POLR2E: variants seen among roughly 807,000 people sequenced by gnomAD.
POLR2E encodes RNA polymerase II, I and III subunit E.
POLR2E carries 35 observed loss-of-function variants against 29.8 expected under a neutral mutation model. That is an observed-to-expected ratio of 1.17 (90% CI 0.90 to 1.55). The LOEUF (loss-of-function observed/expected upper bound fraction) is 1.55, where lower values mean the gene tolerates loss of function less well. POLR2E is among the 40% of genes most tolerant of loss of function. The probability of loss-of-function intolerance (pLI) is 0.00; values close to 1 mark genes in which losing one functional copy is unlikely to be tolerated. For synonymous variants in POLR2E, 174 were observed against 112.6 expected (o/e 1.55, Z -3.45); for missense variants, 287 against 288.6 (o/e 0.99, Z 0.04).
At chr19:1,091,476 G>A (rs1568512433) in intron 3 of POLR2E, 1 of 432,256 alleles carries the variant, frequency 2.3e-6, no homozygotes, top group East Asian at 4.6e-5. Context: ...CATCAGCTCA[G>A]GATAAAGAAC....
chr19:1,089,889 C>G lies in POLR2E; in HGVS notation c.562G>C (p.Gly188Arg). The change falls in exon 6 of 8, where the codon GGG becomes CGG. Residue 188 changes from glycine to arginine, a missense_variant. By Grantham distance (125) the Gly-to-Arg change is moderately radical. Transcript: ENST00000615234. ...PVARYFGIKR[G>R]QVVKIIRPSE... is the part of the protein sequence containing the mutation. ...CTTCTCCCCACAGGGCTCACCTGCC[C>G]ACGCTTTATCCCAAAGTAGCGCGCC... 6.2e-7 allele frequency: 1 copy of G among 1,611,758 alleles called. No homozygotes were observed. The highest frequency in any genetic ancestry group is 8.5e-7 in the Non-Finnish European group (1 of 1,179,530).
chr19:1,090,434 C>T (rs995849843), intron 4 of POLR2E, among the ~76,000 whole-genome samples: 1 of 149,678 alleles, frequency 6.7e-6, no homozygotes, highest in African/African-American at 2.5e-5. Flanking sequence ...CCCGATTCTA[C>T]AGGCTGGGGT....
intron 7 of POLR2E, among the ~76,000 whole-genome samples, 155 bp downstream of exon 7, chr19:1,089,317 T>A (rs906984025): frequency 6.6e-6 from 1 of 151,712 alleles, no homozygotes; most frequent in African/African-American, 2.4e-5. Flanking sequence ...GGTCTGGGGG[T>A]CTGGGGGTGT....
intron 2 of POLR2E, 36 bp from the exon 3 acceptor site, chr19:1,091,943 G>A (rs778871489): frequency 8.9e-6 from 13 of 1,466,888 alleles, no homozygotes; most frequent in Non-Finnish European, 1.0e-5. Flanking sequence ...GCACGAGCCT[G>A]GGCCCTCGTG....
intron 4 of POLR2E, 141 bp from the exon 5 acceptor site, chr19:1,090,286 C>A (rs1184897812): frequency 1.4e-6 from 1 of 717,214 alleles, no homozygotes; most frequent in South Asian, 1.6e-5. Context: ...AGGGAGCCCA[C>A]CCACCCCACC....
rs1398884332 is a variant in POLR2E at position 1,086,725 on chromosome 19, T to A, written c.*2010A>T. The A allele has an allele frequency of 6.6e-6, 1 of 151,966 alleles. No homozygotes were observed. Among genetic ancestry groups the A allele is most frequent in the African/African-American group, 2.4e-5 (1 of 41,354 alleles). 9.4% of individuals were successfully genotyped at this position (151,966 alleles called of 1,614,324 possible). ...AGGGGACAGAGAGAGCCCCGTGGCG[T>A]GGCCCTGGGCCTCCCCCTAGGGGAG... On this transcript the variant is annotated 3_prime_UTR_variant, in exon 8 of 8. Transcript: ENST00000615234.
In POLR2E at chr19:1,093,269, T is replaced by C. The variant is rs559716025; in HGVS notation, c.232+635A>G. Among the ~76,000 whole-genome samples the C allele has an allele frequency of 5.7e-4, 87 of 152,052 alleles. 3 individuals carry two copies. The South Asian group carries it at 0.017, about 31-fold the overall frequency. On this transcript the variant is annotated intron_variant, in intron 2 of 7. Transcript: ENST00000615234. ...CAGACGTGCTCCGTCACCCCACTGATTAATTCTGGGCGTGGGGCTGCGCCC... is the reference window on the plus strand; with the variant it reads ...CAGACGTGCTCCGTCACCCCACTGACTAATTCTGGGCGTGGGGCTGCGCCC...
In POLR2E at chr19:1,087,830, A is replaced by T. The variant is rs1364933371; in HGVS notation, c.*905T>A. On this transcript the variant is annotated 3_prime_UTR_variant, in exon 8 of 8. Transcript: ENST00000615234. ...CATCTTAATAAAGCTACTGTGAGAG[A>T]ACCACGTGGCTAGGTTAAACTTGGG... The T allele has an allele frequency of 6.6e-6, 1 of 152,306 alleles. No individual in the cohort carries two copies. The highest frequency in any genetic ancestry group is 1.5e-5 in the Non-Finnish European group (1 of 68,022). The allele number at this position is 152,306 out of a possible 1,614,324, so 9.4% of individuals were successfully genotyped here.
At position 1,095,348 on chromosome 19, in the gene POLR2E, C is replaced by T. The variant is rs535322482; in HGVS notation, c.-33G>A. 9.9e-6 allele frequency: 16 copies of T among 1,611,906 alleles called. No homozygotes were observed. The highest frequency in any genetic ancestry group is 2.7e-5 in the African/African-American group (2 of 75,004). On this transcript the variant is annotated 5_prime_UTR_variant, in exon 1 of 8. Coordinates refer to ENST00000615234, the MANE Select transcript of POLR2E (RefSeq NM_002695.5). ...TCCGCCGCCGCCGCCGCTCGCACCC[C>T]TTCTCCGCGCGAGAACCCGCGCGGA... is the stretch of plus-strand genomic sequence containing the variant.
Position 1,089,474 on chromosome 19 carries a change from G to C in POLR2E, c.*12C>G. 1 of 1,610,124 alleles carries C rather than the reference G, an allele frequency of 6.2e-7. No homozygotes were observed. The highest frequency in any genetic ancestry group is 8.5e-7 in the Non-Finnish European group (1 of 1,176,762). Reference sequence around the variant, plus strand: ...TGCCTGTCCCTCGGCCGTCTCACCTGTCAGGCGGTAGCTACTGCACCAGCC... The same window carrying C: ...TGCCTGTCCCTCGGCCGTCTCACCTCTCAGGCGGTAGCTACTGCACCAGCC... On this transcript the variant is annotated splice_region_variant and 3_prime_UTR_variant, in exon 7 of 8. Transcript: ENST00000615234.
intron 7 of POLR2E, among the ~76,000 whole-genome samples, chr19:1,089,047 G>A (rs1335863416): frequency 5.3e-5 from 8 of 152,204 alleles, no homozygotes; most frequent in Non-Finnish European, 8.8e-5. Context: ...AGGCTGTCCC[G>A]CTCCTGAGAC....
rs769410946 is a variant in POLR2E at position 1,093,994 on chromosome 19, G to A, written c.142C>T (p.Pro48Ser). 1 of 1,613,842 alleles carries A rather than the reference G, an allele frequency of 6.2e-7. No homozygotes were observed. The highest frequency in any genetic ancestry group is 8.5e-7 in the Non-Finnish European group (1 of 1,179,940). The stretch of plus-strand genomic sequence containing the variant: ...GTGCGCCGCGGCCGCCCCTCACTCG[G>A]CTTGTCCCCAGATTGGGCTTTGAAC... ...EEFKAQSGDK[P>S]SEGRPRRTDL... Residue 48 changes from proline to serine, a missense_variant, in exon 2 of 8, where the codon CCG (proline) becomes TCG (serine). Transcript: ENST00000615234.
intron 3 of POLR2E, chr19:1,091,452 C>A: frequency 2.6e-6 from 1 of 388,232 alleles, no homozygotes; most frequent in Non-Finnish European, 4.8e-6. Context: ...GCCTCCTCTG[C>A]AAGTCCCCCT....
intron 2 of POLR2E, chr19:1,092,408 A>G (rs11880079): frequency 7.6e-5 from 12 of 157,062 alleles, no homozygotes; most frequent in African/African-American, 2.9e-4. Context: ...CCCGGTCTCT[A>G]TTAACAATAC....
rs1340815083 is a variant in POLR2E at position 1,093,882 on chromosome 19, T to TC, written c.232+21dup. 1.9e-6 allele frequency: 3 copies of TC among 1,549,906 alleles called. No homozygotes were observed. In the African/African-American group the frequency reaches 4.1e-5, roughly 21 times the overall value. ...GGTGCTCTGGTGGCTTCACCGGAAC[T>TC]CCCCCGGGACCCGCTGCTCACCTGG... On this transcript the variant is annotated intron_variant, in intron 2 of 7. Transcript: ENST00000615234.
intron 1 of POLR2E, 114 bp from the exon 2 acceptor site, chr19:1,094,192 G>A (rs937759026): frequency 7.7e-6 from 7 of 914,210 alleles, no homozygotes; most frequent in Admixed American, 5.3e-5. Context: ...AACAGCAAAC[G>A]GGATGAACAC....
At chr19:1,092,467 CAAGG>C (rs2043855863) in intron 2 of POLR2E, 1 of 152,180 alleles carries the variant, frequency 6.6e-6, no homozygotes, top group Non-Finnish European at 1.5e-5. Flanking sequence ...TTTGGGAGGT[CAAGG>C]TGGGCAGATC....
At position 1,095,359 on chromosome 19, in the gene POLR2E, GAGAACCCGCGC is replaced by G; in HGVS notation, c.-55_-45del. ...CGCCGCTCGCACCCCTTCTCCGCGC[GAGAACCCGCGC>G]GGACTGCGCCTGCGCCGAATCCGAA... On this transcript the variant is annotated 5_prime_UTR_variant, in exon 1 of 8. Coordinates refer to ENST00000615234, the MANE Select transcript of POLR2E (RefSeq NM_002695.5). 1 of 1,609,938 alleles carries G rather than the reference GAGAACCCGCGC, an allele frequency of 6.2e-7. No individual in the cohort carries two copies. Among genetic ancestry groups the G allele is most frequent in the African/African-American group, 1.3e-5 (1 of 74,922 alleles).
rs1165233921 is a variant in POLR2E at position 1,087,461 on chromosome 19, A to G, written c.*1274T>C. 6.6e-6 allele frequency: 1 copy of G among 152,082 alleles called. No homozygotes were observed. The highest frequency in any genetic ancestry group is 6.6e-5 in the Admixed American group (1 of 15,252). The allele number at this position is 152,082 out of a possible 1,614,324, so 9.4% of individuals were successfully genotyped here. On this transcript the variant is annotated 3_prime_UTR_variant, in exon 8 of 8. Transcript: ENST00000615234. Reference sequence around the variant, plus strand: ...AGCCACCGCGCCCGGCCACCTCCAGAATTTTCTCATCTTCCCAAACTAAAA... The same window carrying G: ...AGCCACCGCGCCCGGCCACCTCCAGGATTTTCTCATCTTCCCAAACTAAAA...
Sources: gnomAD v4.1 joint callset for allele counts (sites outside exome capture counted in the v4.1 genomes callset) on GRCh38, gnomAD v4.1.1 for gene constraint, MANE v1.5 for transcripts, NCBI Gene and HGNC (gene_info 2026-07-23, HGNC 2026-07-21) for gene names.